The following CCDC169 variants were observed in gnomAD, a reference collection of about 807,000 sequenced individuals.
CCDC169 encodes the protein coiled-coil domain containing 169.
A neutral mutation model predicts 36.0 loss-of-function variants in CCDC169; 30 were observed. That is an observed-to-expected ratio of 0.83 (90% CI 0.62 to 1.13). The LOEUF is 1.13. CCDC169 is among the 50% of genes most tolerant of loss of function. CCDC169 has a pLI of 0.00. For synonymous variants in CCDC169, 85 were observed against 81.5 expected (o/e 1.04, Z -0.23); for missense variants, 245 against 245.9 (o/e 1.00, Z 0.03).
chr13:36,223,941 C>T (rs554756299), downstream of CCDC169: 21 of 152,056 alleles, frequency 1.4e-4, no homozygotes, highest in African/African-American at 3.9e-4. Context: ...AATAATAGTA[C>T]TAAAATTGAT....
intron 4 of CCDC169, among the ~76,000 whole-genome samples, chr13:36,262,914 T>C (rs942337524): frequency 3.3e-4 from 50 of 152,166 alleles, no homozygotes; most frequent in African/African-American, 1.1e-3. Flanking sequence ...GTGAAAACTC[T>C]TTTGGTATAA....
At chr13:36,262,153 T>A (rs1874686638) in intron 4 of CCDC169, among the ~76,000 whole-genome samples, 1 of 152,162 alleles carries the variant, frequency 6.6e-6, no homozygotes, top group Non-Finnish European at 1.5e-5. Context: ...AAATGACTTA[T>A]GTTAACAATT....
chr13:36,248,597 T>C lies in CCDC169; in HGVS notation c.545+9A>G, dbSNP rs1361404175. On this transcript the variant is annotated intron_variant, in intron 7 of 7. Transcript: ENST00000239859. ...ACGAATTAGAAAGAAAATATATAGC[T>C]AGACTTACGTTTTCACTAGATTCTC... is the stretch of plus-strand genomic sequence containing the variant. The C allele has an allele frequency of 1.3e-6, 2 of 1,548,628 alleles. No homozygotes were observed. The highest frequency in any genetic ancestry group is 1.7e-6 in the Non-Finnish European group (2 of 1,144,992).
chr13:36,274,467 C>T (rs1876510410), intron 4 of CCDC169: 3 of 152,102 alleles, frequency 2.0e-5, no homozygotes, highest in African/African-American at 7.2e-5. Flanking sequence ...TCTTGATCTT[C>T]CCAAGGAGCT....
chr13:36,252,270 C>T (rs569481597), intron 6 of CCDC169, among the ~76,000 whole-genome samples: 32 of 152,302 alleles, frequency 2.1e-4, no homozygotes, highest in African/African-American at 7.7e-4. Context: ...GAAGTTTGAG[C>T]TAATCATCCA....
At chr13:36,261,794 AGCCTGCCCT>A (rs1195595864) in intron 4 of CCDC169, among the ~76,000 whole-genome samples, 1 of 152,146 alleles carries the variant, frequency 6.6e-6, no homozygotes, top group Admixed American at 6.5e-5. Context: ...TTGCCTCCAG[AGCCTGCCCT>A]GTGATCACAG....
At chr13:36,244,724 G>A (rs1334813028) in intron 7 of CCDC169, 1 of 152,190 alleles carries the variant, frequency 6.6e-6, no homozygotes, top group African/African-American at 2.4e-5. Flanking sequence ...TTAGCCATAA[G>A]TACAAATATA....
At chr13:36,253,578 G>C (rs1873448107) in intron 6 of CCDC169, among the ~76,000 whole-genome samples, 1 of 151,922 alleles carries the variant, frequency 6.6e-6, no homozygotes, top group Non-Finnish European at 1.5e-5. Context: ...CTCGTGATCC[G>C]ACCACCTCAG....
rs115241573 is a variant in CCDC169 at position 36,288,399 on chromosome 13, G to C, written c.164-4697C>G. On this transcript the variant is annotated intron_variant, in intron 2 of 7. Transcript: ENST00000239859. ...AGATAAACTATTAAGAAATGGAAAA[G>C]GTGAATACATGTAAATGAGATAAAT... Among the ~76,000 whole-genome samples, 537 of 152,240 alleles carry C rather than the reference G, an allele frequency of 3.5e-3. 5 individuals are homozygous for C. The highest frequency in any genetic ancestry group is 0.012 in the African/African-American group (509 of 41,548).
intron 4 of CCDC169, among the ~76,000 whole-genome samples, chr13:36,264,467 A>G (rs1216455203): frequency 2.0e-5 from 3 of 152,166 alleles, no homozygotes; most frequent in African/African-American, 7.2e-5. Context: ...GGACCTGGAT[A>G]AAGAAAGCTT....
chr13:36,278,403 G>C (rs1259474855), intron 4 of CCDC169, among the ~76,000 whole-genome samples: 1 of 152,054 alleles, frequency 6.6e-6, no homozygotes, highest in Non-Finnish European at 1.5e-5. Context: ...GTTATACTCA[G>C]TACATTTTCT....
At chr13:36,275,795 A>G (rs887753700) in intron 4 of CCDC169, among the ~76,000 whole-genome samples, 4 of 152,192 alleles carry the variant, frequency 2.6e-5, no homozygotes, top group Non-Finnish European at 5.9e-5. Flanking sequence ...AAGAATCTGA[A>G]TCATGGTAAA....
chr13:36,253,857 C>T lies in CCDC169; in HGVS notation c.415-1G>A. The T allele has an allele frequency of 1.3e-6, 2 of 1,550,910 alleles. No individual in the cohort carries two copies. Among genetic ancestry groups the T allele is most frequent in the Non-Finnish European group, 1.7e-6 (2 of 1,146,838 alleles). On this transcript the variant is annotated splice_acceptor_variant, in intron 5 of 7. Coordinates refer to ENST00000239859, the MANE Select transcript of CCDC169 (RefSeq NM_001144981.3). LOFTEE classifies it high-confidence loss of function. ...GTTCATTGTTGATCTTCTGGTAAGC[C>T]TGTGTGAAGATACAAAAGCAAAGGG...
chr13:36,294,766 G>C (rs984344084), intron 2 of CCDC169, among the ~76,000 whole-genome samples: 2 of 152,118 alleles, frequency 1.3e-5, no homozygotes, highest in Non-Finnish European at 2.9e-5. Context: ...GATTGAGCAA[G>C]CAGGGGGTAC....
At chr13:36,288,989 T>G (rs1270473274) in intron 2 of CCDC169, among the ~76,000 whole-genome samples, 52 of 152,152 alleles carry the variant, frequency 3.4e-4, no homozygotes, top group Admixed American at 3.3e-3. Context: ...ATGTAAGTTA[T>G]GATAAGGTTC....
intron 7 of CCDC169, 34 bp downstream of exon 7, chr13:36,248,572 A>G: frequency 1.3e-6 from 2 of 1,542,676 alleles, no homozygotes; most frequent in Non-Finnish European, 1.8e-6. Flanking sequence ...TGCAAATGTA[A>G]CGAATTAGAA....
chr13:36,277,870 G>A (rs561234489), intron 4 of CCDC169, among the ~76,000 whole-genome samples: 25 of 151,790 alleles, frequency 1.6e-4, no homozygotes, highest in Admixed American at 3.9e-4. Flanking sequence ...GCTTGAACCC[G>A]GGAAGCTGAC....
intron 4 of CCDC169, among the ~76,000 whole-genome samples, chr13:36,279,331 A>G (rs71438094): frequency 0.16 from 23,626 of 152,192 alleles, 1,932 homozygotes; most frequent in African/African-American, 0.19. Flanking sequence ...TAGCCCCTGC[A>G]TATTATTTCC....
chr13:36,230,806 T>C lies in CCDC169; in HGVS notation c.*387A>G, dbSNP rs1257736809. On this transcript the variant is annotated 3_prime_UTR_variant, in exon 8 of 8. Transcript: ENST00000239859. The stretch of plus-strand genomic sequence containing the variant: ...TGTTTAAACCTGCAATTTAAAAAAC[T>C]GAGCAAGATCCAGCCCAAAATGGCA... 3.0e-6 allele frequency: 3 copies of C among 988,332 alleles called. No individual in the cohort carries two copies. The highest frequency in any genetic ancestry group is 1.2e-6 in the Non-Finnish European group (1 of 832,180). 61.2% of individuals were successfully genotyped at this position (988,332 alleles called of 1,614,324 possible). A position where few individuals can be genotyped will look rare whatever the true frequency, so the allele number is the denominator to read the frequency against.
Sources: allele counts gnomAD v4.1 joint callset (sites outside exome capture counted in the v4.1 genomes callset), GRCh38; gene constraint gnomAD v4.1.1; transcripts MANE v1.5; gene names NCBI Gene and HGNC (gene_info 2026-07-23, HGNC 2026-07-21).